Variants in IGF2BP1 observed in about 807,000 individuals in gnomAD.
The protein encoded by IGF2BP1 is insulin like growth factor 2 mRNA binding protein 1.
IGF2BP1 carries 11 observed loss-of-function variants against 74.9 expected under a neutral mutation model. That is an observed-to-expected ratio of 0.15 (90% CI 0.09 to 0.24). IGF2BP1 has a LOEUF of 0.24. Ranked by LOEUF, IGF2BP1 falls within the 10% of genes least tolerant of loss-of-function variation. The probability of loss-of-function intolerance (pLI) is 1.00; values close to 1 mark genes in which losing one functional copy is unlikely to be tolerated. For synonymous variants in IGF2BP1, 287 were observed against 281.8 expected, an observed-to-expected ratio of 1.02 and a Z score of -0.18; for missense variants, 440 against 757.4, an observed-to-expected ratio of 0.58 and a Z score of 4.92.
At chr17:48,998,249 C>T (rs1203917881) in intron 1 of IGF2BP1, among the ~76,000 whole-genome samples, 1 of 152,192 alleles carries the variant, frequency 6.6e-6, no homozygotes, top group Non-Finnish European at 1.5e-5. Flanking sequence ...GGGATGACCC[C>T]TGGCTGGGCG....
At chr17:48,998,947 G>A (rs2041446509) in intron 1 of IGF2BP1, among the ~76,000 whole-genome samples, 162 bp from the exon 2 acceptor site, 1 of 152,038 alleles carries the variant, frequency 6.6e-6, no homozygotes, top group Non-Finnish European at 1.5e-5. Context: ...CATTCCTAGA[G>A]CAACCTTTTT....
Position 49,055,460 on chromosome 17 carries a change from C to T in IGF2BP1, c.*6016C>T. 2.6e-6 allele frequency: 1 copy of T among 379,456 alleles called. No individual in the cohort carries two copies. Among genetic ancestry groups the T allele is most frequent in the Non-Finnish European group, 4.7e-6 (1 of 214,548 alleles). 23.5% of individuals were successfully genotyped at this position (379,456 alleles called of 1,614,324 possible). On this transcript the variant is annotated 3_prime_UTR_variant, in exon 15 of 15. Coordinates refer to ENST00000290341, the MANE Select transcript of IGF2BP1 (RefSeq NM_006546.4). ...CCCCCCTCCCCTGCCAATAAGCTCC[C>T]CCAGGAATAAAGGCTTTGTTTTGGG...
intron 12 of IGF2BP1, among the ~76,000 whole-genome samples, chr17:49,045,439 A>G (rs2042099011): frequency 6.6e-6 from 1 of 152,184 alleles, no homozygotes; most frequent in Non-Finnish European, 1.5e-5. Context: ...TGAACCATCA[A>G]CTAGCTTAAC....
chr17:49,001,233 GT>G (rs2041484862), intron 2 of IGF2BP1, among the ~76,000 whole-genome samples: 2 of 152,098 alleles, frequency 1.3e-5, no homozygotes, highest in South Asian at 4.1e-4. Flanking sequence ...TATTTCGTCA[GT>G]TAGGTTTGTT....
intron 2 of IGF2BP1, chr17:49,018,132 T>G (rs2041731837): frequency 6.6e-6 from 1 of 152,202 alleles, no homozygotes; most frequent in African/African-American, 2.4e-5. Flanking sequence ...AGAGCCTCAG[T>G]AGAGCAGCCA....
intron 5 of IGF2BP1, among the ~76,000 whole-genome samples, chr17:49,035,511 C>A (rs1022906908): frequency 2.6e-5 from 4 of 152,202 alleles, no homozygotes; most frequent in African/African-American, 9.7e-5. Context: ...ATGCGAGGTG[C>A]GCTGGGAGGT....
In IGF2BP1 at chr17:49,040,098, C is replaced by A; in HGVS notation, c.818+7C>A. 3.1e-6 allele frequency: 5 copies of A among 1,613,748 alleles called. No homozygotes were observed. Among genetic ancestry groups the A allele is most frequent in the Non-Finnish European group, 4.2e-6 (5 of 1,179,872 alleles). On this transcript the variant is annotated splice_region_variant and intron_variant, in intron 7 of 14. Transcript: ENST00000290341. ...AGGCTAAGGACACCAAAACGTAAGT[C>A]TCCAGCTTTTCTTGGATCTTCAGGG...
chr17:49,010,622 T>G (rs932280960), intron 2 of IGF2BP1, among the ~76,000 whole-genome samples: 9 of 152,200 alleles, frequency 5.9e-5, no homozygotes, highest in Non-Finnish European at 1.3e-4. Flanking sequence ...AGCCTTTGTG[T>G]GTCCCCTTTC....
At position 49,053,819 on chromosome 17, in the gene IGF2BP1, TCTC is replaced by T; in HGVS notation, c.*4378_*4380del. The T allele has an allele frequency of 6.5e-6, 1 of 152,700 alleles. No homozygotes were observed. The highest frequency in any genetic ancestry group is 1.9e-4 in the East Asian group (1 of 5,174). The allele number at this position is 152,700 out of a possible 1,614,324, so 9.5% of individuals were successfully genotyped here. ...CCCACCTCTCATCAGGGGTGGGGGTTCTCCTTTCTTTCCCCTGAAGTGTTTATG... is the reference window on the plus strand; with the variant it reads ...CCCACCTCTCATCAGGGGTGGGGGTTCTTTCTTTCCCCTGAAGTGTTTATG... On this transcript the variant is annotated 3_prime_UTR_variant, in exon 15 of 15. Transcript: ENST00000290341.
At chr17:49,008,738 C>T (rs532270931) in intron 2 of IGF2BP1, among the ~76,000 whole-genome samples, 1 of 152,242 alleles carries the variant, frequency 6.6e-6, no homozygotes, top group South Asian at 2.1e-4. Context: ...TTGCCTCAGT[C>T]ACTGGCTGTT....
At chr17:49,015,778 C>T (rs1004496483) in intron 2 of IGF2BP1, among the ~76,000 whole-genome samples, 3 of 152,186 alleles carry the variant, frequency 2.0e-5, no homozygotes, top group East Asian at 3.9e-4. Context: ...CTGTTTTGGC[C>T]TCCTTGGGGG....
chr17:49,004,117 C>T (rs886830503), intron 2 of IGF2BP1, among the ~76,000 whole-genome samples: 6 of 152,144 alleles, frequency 3.9e-5, no homozygotes, highest in South Asian at 4.1e-4. Context: ...GAGGTGGGGC[C>T]GCCCGCCTGC....
chr17:49,051,876 A>G lies in IGF2BP1; in HGVS notation c.*2432A>G, dbSNP rs1187253368. ...TGTTTCATTTCAGTTCCGTCTTGCT[A>G]TTCTTCCTAATCTATATCCATAGAT... On this transcript the variant is annotated 3_prime_UTR_variant, in exon 15 of 15. Transcript: ENST00000290341. 1 of 149,592 alleles carries G rather than the reference A, an allele frequency of 6.7e-6. No homozygotes were observed. The highest frequency in any genetic ancestry group is 2.5e-5 in the African/African-American group (1 of 40,428). The allele number at this position is 149,592 out of a possible 1,614,324, so 9.3% of individuals were successfully genotyped here.
rs1598159558 is a variant in IGF2BP1 at position 49,045,036 on chromosome 17, A to G, written c.1366A>G (p.Ile456Val). 5 of 1,614,170 alleles carry G rather than the reference A, an allele frequency of 3.1e-6. No individual in the cohort carries two copies. The highest frequency in any genetic ancestry group is 4.2e-6 in the Non-Finnish European group (5 of 1,180,006). ...TGACTCCAAAGTTCGTATGGTTATC[A>G]TCACTGGACCGCCAGAGGCCCAATT... ...TPDSKVRMVI[I>V]TGPPEAQFKA... The change falls in exon 12 of 15, where the codon ATC (isoleucine) becomes GTC (valine). Residue 456 changes from isoleucine to valine, a missense_variant. This residue lies in a region of IGF2BP1 where 117 missense variants were observed against 237.2 expected (regional missense o/e 0.49). Transcript: ENST00000290341.
intron 2 of IGF2BP1, among the ~76,000 whole-genome samples, chr17:49,010,563 G>A (rs977327178): frequency 2.0e-5 from 3 of 151,980 alleles, no homozygotes; most frequent in Non-Finnish European, 2.9e-5. Context: ...TGATCTGCCC[G>A]CCTTGGCCTC....
At chr17:48,996,767 T>C (rs1016676416), upstream of IGF2BP1, among the ~76,000 whole-genome samples, 6 of 152,152 alleles carry the variant, frequency 3.9e-5, no homozygotes, top group Admixed American at 1.3e-4. Context: ...TCCACTGGGA[T>C]ACCCCGTTCC....
At chr17:49,022,835 C>T (rs761547646) in intron 2 of IGF2BP1, among the ~76,000 whole-genome samples, 3 of 152,224 alleles carry the variant, frequency 2.0e-5, no homozygotes, top group African/African-American at 7.2e-5. Context: ...AAAGAGCACA[C>T]TTCAAACTGG....
chr17:49,037,928 A>C (rs966877960), intron 5 of IGF2BP1, among the ~76,000 whole-genome samples: 3 of 152,220 alleles, frequency 2.0e-5, no homozygotes, highest in African/African-American at 7.2e-5. Context: ...AGCCTTTGTG[A>C]ACAATAAATC....
At chr17:49,007,327 C>T (rs2041562154) in intron 2 of IGF2BP1, among the ~76,000 whole-genome samples, 5 of 152,190 alleles carry the variant, frequency 3.3e-5, no homozygotes, top group Admixed American at 3.3e-4. Flanking sequence ...CCCCTGGTTC[C>T]CTGGTCTGGA....
Sources: allele counts gnomAD v4.1 joint callset (sites outside exome capture counted in the v4.1 genomes callset), GRCh38; gene constraint gnomAD v4.1.1; regional missense constraint gnomAD v4.1.1; transcripts MANE v1.5; gene names NCBI Gene and HGNC (gene_info 2026-07-23, HGNC 2026-07-21).